Variants in PPP3R1 observed in about 807,000 individuals in gnomAD.
The protein encoded by PPP3R1 is protein phosphatase 3 regulatory subunit B, alpha.
In PPP3R1, 5 loss-of-function variants were observed where a neutral mutation model predicts 22.6. That is an observed-to-expected ratio of 0.22 (90% confidence interval 0.12 to 0.46). PPP3R1 has a LOEUF of 0.46. Among genes scored for constraint, PPP3R1 ranks in the 20% least tolerant of loss-of-function variants. The pLI, the probability that PPP3R1 is intolerant of heterozygous loss-of-function variation, is 0.99. For missense variants in PPP3R1, 61 were observed against 203.2 expected (o/e 0.30, Z 4.25); for synonymous variants, 56 against 65.2 (o/e 0.86, Z 0.68).
At chr2:68,241,426 T>C (rs1343695750) in intron 1 of PPP3R1, among the ~76,000 whole-genome samples, 2 of 152,236 alleles carry the variant, frequency 1.3e-5, no homozygotes, top group Admixed American at 6.5e-5. Flanking sequence ...TATATACATA[T>C]GTACTGCACT....
At chr2:68,223,522 G>A (rs2103780618) in intron 1 of PPP3R1, among the ~76,000 whole-genome samples, 1 of 152,176 alleles carries the variant, frequency 6.6e-6, no homozygotes, top group South Asian at 2.1e-4. Flanking sequence ...GATTATTCCA[G>A]CAATGGAAGG....
At chr2:68,198,168 TAC>T (rs1674840728) in intron 2 of PPP3R1, among the ~76,000 whole-genome samples, 2 of 142,070 alleles carry the variant, frequency 1.4e-5, no homozygotes, top group East Asian at 4.1e-4. Flanking sequence ...TGTAAATATA[TAC>T]ATACATGTAT....
intron 5 of PPP3R1, among the ~76,000 whole-genome samples, chr2:68,185,501 CATTTT>C (rs1242797153): frequency 3.4e-5 from 5 of 146,306 alleles, no homozygotes; most frequent in African/African-American, 1.2e-4. Flanking sequence ...AAGATATATA[CATTTT>C]ATTTATATAT....
chr2:68,231,401 C>G (rs2103792864), intron 1 of PPP3R1, among the ~76,000 whole-genome samples: 1 of 146,960 alleles, frequency 6.8e-6, no homozygotes, highest in Non-Finnish European at 1.5e-5. Flanking sequence ...TCAGTTTTTT[C>G]TTTGAGTGAC....
intron 2 of PPP3R1, among the ~76,000 whole-genome samples, chr2:68,197,166 A>G (rs776162051): frequency 2.6e-5 from 4 of 152,208 alleles, no homozygotes; most frequent in Non-Finnish European, 4.4e-5. Context: ...AGAACATTCC[A>G]TGACCCCTAA....
chr2:68,200,344 T>C (rs1178185576), intron 2 of PPP3R1, among the ~76,000 whole-genome samples: 1 of 152,178 alleles, frequency 6.6e-6, no homozygotes, highest in Non-Finnish European at 1.5e-5. Flanking sequence ...TTCCTCCTTA[T>C]ATAAAAAATG....
intron 2 of PPP3R1, among the ~76,000 whole-genome samples, chr2:68,198,391 A>G (rs895911669): frequency 1.6e-5 from 2 of 123,506 alleles, no homozygotes; most frequent in Admixed American, 7.8e-5. Flanking sequence ...ATGCATATAT[A>G]TGTATATATA....
At chr2:68,198,703 A>C (rs769344561) in intron 2 of PPP3R1, among the ~76,000 whole-genome samples, 1 of 152,104 alleles carries the variant, frequency 6.6e-6, no homozygotes, top group South Asian at 2.1e-4. Context: ...TCAGTTTGCT[A>C]AATTTTTTAA....
intron 2 of PPP3R1, among the ~76,000 whole-genome samples, chr2:68,200,287 G>GT (rs1227010724): frequency 1.3e-5 from 2 of 152,074 alleles, no homozygotes; most frequent in African/African-American, 2.4e-5. Flanking sequence ...ATTGTGTTTT[G>GT]TTTTCTAGAT....
intron 1 of PPP3R1, among the ~76,000 whole-genome samples, chr2:68,223,945 G>A (rs1485540817): frequency 1.3e-5 from 2 of 151,896 alleles, no homozygotes; most frequent in African/African-American, 4.8e-5. Context: ...AATTAAGCAA[G>A]ACGGCAAGAT....
At chr2:68,184,334 T>C (rs1170322072) in intron 5 of PPP3R1, among the ~76,000 whole-genome samples, 3 of 152,244 alleles carry the variant, frequency 2.0e-5, no homozygotes, top group Admixed American at 6.5e-5. Flanking sequence ...CTGATAAAGC[T>C]TAGAATCATT....
chr2:68,193,335 G>A (rs1056750343), intron 2 of PPP3R1, among the ~76,000 whole-genome samples: 1 of 152,098 alleles, frequency 6.6e-6, no homozygotes, highest in African/African-American at 2.4e-5. Context: ...CAGCATGTAT[G>A]GGGGCAGTTA....
At chr2:68,218,722 C>T (rs900371783) in intron 1 of PPP3R1, among the ~76,000 whole-genome samples, 5 of 76,390 alleles carry the variant, frequency 6.5e-5, no homozygotes, top group Admixed American at 1.3e-4. Context: ...TGCACTGTCA[C>T]TGTGAGTTTT....
intron 5 of PPP3R1, among the ~76,000 whole-genome samples, chr2:68,181,730 G>A (rs1674407694): frequency 6.6e-6 from 1 of 151,590 alleles, no homozygotes; most frequent in South Asian, 2.1e-4. Flanking sequence ...AATATCACAC[G>A]ATAACCAGAT....
intron 1 of PPP3R1, among the ~76,000 whole-genome samples, chr2:68,229,973 T>TACACACACAC (rs201152385): frequency 0.043 from 6,175 of 143,140 alleles, 163 homozygotes; most frequent in Non-Finnish European, 0.051. Context: ...TATACACACA[T>TACACACACAC]ACACACACAC....
chr2:68,210,576 G>C (rs1006460815), intron 2 of PPP3R1, among the ~76,000 whole-genome samples: 2 of 152,176 alleles, frequency 1.3e-5, no homozygotes, highest in Non-Finnish European at 2.9e-5. Flanking sequence ...CTTTGAAAGT[G>C]TGCAGACTAC....
chr2:68,252,215 C>G lies in PPP3R1; in HGVS notation c.-88G>C. 8.3e-7 allele frequency: 1 copy of G among 1,204,682 alleles called. No individual in the cohort carries two copies. Among genetic ancestry groups the G allele is most frequent in the Non-Finnish European group, 1.1e-6 (1 of 947,050 alleles). 74.6% of individuals were successfully genotyped at this position (1,204,682 alleles called of 1,614,324 possible). ...GCTCGCAGGAAACGGCGGCGGCGGC[C>G]CAGCTGCGGCCCTCGGGTCGCCGGC... is the stretch of plus-strand genomic sequence containing the variant. On this transcript the variant is annotated 5_prime_UTR_variant, in exon 1 of 6. Coordinates refer to ENST00000234310, the MANE Select transcript of PPP3R1 (RefSeq NM_000945.4).
At chr2:68,237,617 A>C (rs1670042948) in intron 1 of PPP3R1, among the ~76,000 whole-genome samples, 1 of 152,188 alleles carries the variant, frequency 6.6e-6, no homozygotes, top group African/African-American at 2.4e-5. Flanking sequence ...GTTAAGTTCA[A>C]ACTGGACAAG....
At chr2:68,236,298 G>A (rs1355443783) in intron 1 of PPP3R1, among the ~76,000 whole-genome samples, 1 of 152,070 alleles carries the variant, frequency 6.6e-6, no homozygotes, top group South Asian at 2.1e-4. Context: ...ATTCATTTAT[G>A]TACTGTCTAT....
Sources: gnomAD v4.1 joint callset for allele counts (sites outside exome capture counted in the v4.1 genomes callset) on GRCh38, gnomAD v4.1.1 for gene constraint, MANE v1.5 for transcripts, NCBI Gene and HGNC (gene_info 2026-07-23, HGNC 2026-07-21) for gene names.